Variants in BICD1 observed in about 807,000 individuals in gnomAD.
BICD1 encodes protein bicaudal D homolog 1.
Under a neutral mutation model 92.5 loss-of-function variants are expected in BICD1, and 35 were observed. The ratio of observed to expected loss-of-function variants is 0.38; its 90% CI spans 0.29 to 0.50. The LOEUF is 0.50. BICD1 is among the 20% of genes least tolerant of loss of function. The probability of loss-of-function intolerance (pLI) is 0.93; values close to 1 mark genes in which losing one functional copy is unlikely to be tolerated. For synonymous variants in BICD1, 429 were observed against 465.1 expected (o/e 0.92, Z 1.00); for missense variants, 950 against 1,189.8 (o/e 0.80, Z 2.97).
intron 4 of BICD1, among the ~76,000 whole-genome samples, chr12:32,327,158 T>C (rs1215757263): frequency 6.6e-6 from 1 of 152,214 alleles, no homozygotes; most frequent in Non-Finnish European, 1.5e-5. Flanking sequence ...TGTTGTTTTC[T>C]GCAAGGTGTT....
chr12:32,237,393 T>A (rs1946105355), intron 2 of BICD1, among the ~76,000 whole-genome samples: 1 of 152,230 alleles, frequency 6.6e-6, no homozygotes, highest in Non-Finnish European at 1.5e-5. Context: ...CTGAGATCAT[T>A]GGTAAAGCTG....
At chr12:32,282,088 G>A (rs1947424797) in intron 2 of BICD1, among the ~76,000 whole-genome samples, 1 of 152,002 alleles carries the variant, frequency 6.6e-6, no homozygotes, top group African/African-American at 2.4e-5. Context: ...TTTTGGAGAT[G>A]ACAGTTAGGT....
At chr12:32,213,868 C>T (rs1419585800) in intron 1 of BICD1, among the ~76,000 whole-genome samples, 1 of 152,136 alleles carries the variant, frequency 6.6e-6, no homozygotes, top group Admixed American at 6.6e-5. Context: ...TAAGACTCTG[C>T]AAACATCCTG....
At position 32,286,576 on chromosome 12, in the gene BICD1, G is replaced by A. The variant is rs150144852; in HGVS notation, c.427-7418G>A. Among the ~76,000 whole-genome samples, 1,495 of 152,266 alleles carry A rather than the reference G, an allele frequency of 9.8e-3. 32 individuals carry two copies. The highest frequency in any genetic ancestry group is 0.034 in the African/African-American group (1,406 of 41,542). ...AGTATTGCCCAAGGAACAGAAGGCAGAAACCAAGTAACTTGACAATATATT... is the reference window on the plus strand; with the variant it reads ...AGTATTGCCCAAGGAACAGAAGGCAAAAACCAAGTAACTTGACAATATATT... On this transcript the variant is annotated intron_variant, in intron 2 of 9. Transcript: ENST00000652176.
At chr12:32,324,056 C>T (rs573251804) in intron 4 of BICD1, among the ~76,000 whole-genome samples, 12 of 152,210 alleles carry the variant, frequency 7.9e-5, no homozygotes, top group African/African-American at 2.9e-4. Flanking sequence ...TAGGGCCGGG[C>T]GCGGTGGCTC....
intron 2 of BICD1, among the ~76,000 whole-genome samples, chr12:32,289,003 A>T (rs1947654488): frequency 6.6e-6 from 1 of 152,196 alleles, no homozygotes; most frequent in Admixed American, 6.5e-5. Flanking sequence ...ACATTATGAG[A>T]TTAGGAGCCC....
chr12:32,153,759 ATGTGTGTGTACATATATATATATG>A (rs1188014836), intron 1 of BICD1, among the ~76,000 whole-genome samples: 10 of 148,426 alleles, frequency 6.7e-5, no homozygotes, highest in South Asian at 2.1e-4. Context: ...TTGTATATAT[ATGTGTGTGTACATATATATATATG>A]TGTGTGTGTG....
chr12:32,202,536 T>C (rs1334944160), intron 1 of BICD1, among the ~76,000 whole-genome samples: 1 of 152,218 alleles, frequency 6.6e-6, no homozygotes, highest in Non-Finnish European at 1.5e-5. Context: ...ATTGTTTTCA[T>C]TTACAGATTG....
intron 2 of BICD1, among the ~76,000 whole-genome samples, chr12:32,250,264 T>C (rs1946492512): frequency 6.6e-6 from 1 of 152,210 alleles, no homozygotes; most frequent in Non-Finnish European, 1.5e-5. Flanking sequence ...TGTGTGGACC[T>C]TGGGCAGGTA....
chr12:32,197,681 G>A (rs1368435991), intron 1 of BICD1, among the ~76,000 whole-genome samples: 9 of 152,190 alleles, frequency 5.9e-5, no homozygotes, highest in Non-Finnish European at 5.9e-5. Flanking sequence ...CATTTCTGAG[G>A]TCTGCACATC....
chr12:32,272,387 A>T (rs942897071), intron 2 of BICD1, among the ~76,000 whole-genome samples: 1 of 152,256 alleles, frequency 6.6e-6, no homozygotes, highest in African/African-American at 2.4e-5. Context: ...GTGTGCATTC[A>T]TCTAAAGACA....
intron 3 of BICD1, among the ~76,000 whole-genome samples, chr12:32,300,943 G>A (rs768448509): frequency 6.6e-6 from 1 of 151,966 alleles, no homozygotes; most frequent in South Asian, 2.1e-4. Flanking sequence ...GAGTCACTGC[G>A]CCCGGCCCAA....
chr12:32,203,296 C>G (rs1944957951), intron 1 of BICD1, among the ~76,000 whole-genome samples: 1 of 152,102 alleles, frequency 6.6e-6, no homozygotes, highest in South Asian at 2.1e-4. Flanking sequence ...GAAGGATTTA[C>G]AAATAGTGTT....
chr12:32,245,250 G>GTT (rs1264562131), intron 2 of BICD1, among the ~76,000 whole-genome samples: 94 of 119,554 alleles, frequency 7.9e-4, no homozygotes, highest in African/African-American at 1.8e-3. Context: ...TTTGTTTTTT[G>GTT]TTTTTTTTTT....
chr12:32,256,952 C>A (rs1421090582), intron 2 of BICD1, among the ~76,000 whole-genome samples: 1 of 152,246 alleles, frequency 6.6e-6, no homozygotes, highest in African/African-American at 2.4e-5. Flanking sequence ...TAGTGGCTCA[C>A]GCCTGTAATA....
intron 1 of BICD1, chr12:32,108,679 T>C (rs892793438): frequency 1.4e-6 from 1 of 698,380 alleles, no homozygotes; most frequent in Non-Finnish European, 2.6e-6. Context: ...CTGAATCAAC[T>C]TGCCTTCCAA....
chr12:32,337,945 A>G lies in BICD1; in HGVS notation c.2570+129A>G, dbSNP rs915603169. 1.5e-5 allele frequency: 16 copies of G among 1,038,462 alleles called. No homozygotes were observed. In the African/African-American group the frequency reaches 2.4e-4, roughly 15 times the overall value. 64.3% of individuals were successfully genotyped at this position (1,038,462 alleles called of 1,614,324 possible). A position where few individuals can be genotyped will look rare whatever the true frequency, so the allele number is the denominator to read the frequency against. Reference sequence around the variant, plus strand: ...AGAAAAAATGGGAGCTGGCATATAAATGGTCTTGCTAATGTGGGTCTTTCC... The same window carrying G: ...AGAAAAAATGGGAGCTGGCATATAAGTGGTCTTGCTAATGTGGGTCTTTCC... On this transcript the variant is annotated intron_variant, in intron 7 of 9. Coordinates refer to ENST00000652176, the MANE Select transcript of BICD1 (RefSeq NM_001714.4). The surrounding 1 kb of genome is among the most constrained non-coding windows in gnomAD (Gnocchi z 4.7).
chr12:32,256,242 T>C (rs1213577000), intron 2 of BICD1, among the ~76,000 whole-genome samples: 3 of 151,830 alleles, frequency 2.0e-5, no homozygotes, highest in Admixed American at 6.6e-5. Context: ...TTGAGACGGG[T>C]TTTTGCTATG....
chr12:32,244,226 A>G (rs1029061711), intron 2 of BICD1, among the ~76,000 whole-genome samples: 3 of 152,202 alleles, frequency 2.0e-5, no homozygotes, highest in African/African-American at 7.2e-5. Context: ...CTAGGCCTAA[A>G]ACGTTCCAAT....
Sources: allele counts gnomAD v4.1 joint callset (sites outside exome capture counted in the v4.1 genomes callset), GRCh38; gene constraint gnomAD v4.1.1; non-coding constraint Gnocchi (gnomAD v3.1); transcripts MANE v1.5; gene names NCBI Gene and HGNC (gene_info 2026-07-23, HGNC 2026-07-21).